TMPRSS11E: variants seen among roughly 807,000 people sequenced by gnomAD.
The protein encoded by TMPRSS11E is transmembrane protease serine 11E.
TMPRSS11E carries 38 observed loss-of-function variants against 48.1 expected under a neutral mutation model. That is an observed-to-expected ratio of 0.79 (90% CI 0.61 to 1.04). The LOEUF is 1.04. TMPRSS11E is among the 50% of genes least tolerant of loss of function. TMPRSS11E has a pLI of 0.00. For synonymous variants in TMPRSS11E, 158 were observed against 171.9 expected, an observed-to-expected ratio of 0.92 and a Z score of 0.63; for missense variants, 530 against 510.8, an observed-to-expected ratio of 1.04 and a Z score of -0.36.
At chr4:68,466,802 A>G (rs372684369) in intron 3 of TMPRSS11E, 50 bp downstream of exon 3, 2 of 1,608,268 alleles carry the variant, frequency 1.2e-6, no homozygotes, top group African/African-American at 1.3e-5. Flanking sequence ...ACTTTTTACC[A>G]TATTTTTAGC....
In TMPRSS11E at chr4:68,493,381, C is replaced by T. The variant is rs193114737; in HGVS notation, c.1111-3262C>T. Among the ~76,000 whole-genome samples, 850 of 152,278 alleles carry T rather than the reference C, an allele frequency of 5.6e-3. 12 individuals carry two copies. Among genetic ancestry groups the T allele is most frequent in the African/African-American group, 0.019 (776 of 41,566 alleles). ...GGTGATATTAGAGGTACACGCTTTA[C>T]AAACTTTGTGAGCTACAGAAGAGAA... On this transcript the variant is annotated intron_variant, in intron 9 of 9. Coordinates refer to ENST00000305363, the MANE Select transcript of TMPRSS11E (RefSeq NM_014058.4).
Position 68,466,767 on chromosome 4 carries a change from A to G in TMPRSS11E, c.258+15A>G. On this transcript the variant is annotated intron_variant, in intron 3 of 9. Coordinates refer to ENST00000305363, the MANE Select transcript of TMPRSS11E (RefSeq NM_014058.4). The stretch of plus-strand genomic sequence containing the variant: ...TTGAATCAATGGTAAGCAACTTGTC[A>G]TCTACTTCTAGTGCATTTGCTTTCA... 3.1e-6 allele frequency: 5 copies of G among 1,613,160 alleles called. No individual in the cohort carries two copies. The highest frequency in any genetic ancestry group is 1.1e-5 in the South Asian group (1 of 90,986).
intron 9 of TMPRSS11E, among the ~76,000 whole-genome samples, chr4:68,495,608 T>G (rs2603156): frequency 0.28 from 41,795 of 151,978 alleles, 6,763 homozygotes; most frequent in East Asian, 0.75. Context: ...TATTTCAAAT[T>G]TACTATTATA....
At chr4:68,460,345 CA>C (rs1245279347) in intron 1 of TMPRSS11E, among the ~76,000 whole-genome samples, 1 of 152,120 alleles carries the variant, frequency 6.6e-6, no homozygotes, top group Non-Finnish European at 1.5e-5. Context: ...TTTCTGTAAA[CA>C]AAAGGCATTT....
intron 4 of TMPRSS11E, among the ~76,000 whole-genome samples, chr4:68,470,245 A>C (rs888327696): frequency 6.6e-6 from 1 of 151,856 alleles, no homozygotes; most frequent in Non-Finnish European, 1.5e-5. Context: ...ATGACAAAGA[A>C]AGCTTGAAGA....
chr4:68,472,265 G>T (rs1360173760), intron 5 of TMPRSS11E, among the ~76,000 whole-genome samples: 1 of 151,824 alleles, frequency 6.6e-6, no homozygotes, highest in African/African-American at 2.4e-5. Flanking sequence ...AACAATGAAG[G>T]TCTATAGAAA....
At chr4:68,457,625 T>C (rs184380319) in intron 1 of TMPRSS11E, among the ~76,000 whole-genome samples, 85 of 152,226 alleles carry the variant, frequency 5.6e-4, no homozygotes, top group African/African-American at 1.9e-3. Flanking sequence ...CTGTTCACAA[T>C]AGCAAAGACT....
chr4:68,448,433 G>A (rs1008152683), intron 1 of TMPRSS11E, among the ~76,000 whole-genome samples: 2 of 151,904 alleles, frequency 1.3e-5, no homozygotes, highest in African/African-American at 4.8e-5. Flanking sequence ...GGCTTATCAA[G>A]GCTCCCTGCC....
intron 9 of TMPRSS11E, among the ~76,000 whole-genome samples, chr4:68,487,194 A>G (rs1729576703): frequency 6.6e-6 from 1 of 151,648 alleles, no homozygotes; most frequent in African/African-American, 2.4e-5. Context: ...CACAGGCTTG[A>G]TTGTATAGTT....
chr4:68,448,869 T>C (rs1375439358), intron 1 of TMPRSS11E, among the ~76,000 whole-genome samples: 1 of 151,822 alleles, frequency 6.6e-6, no homozygotes, highest in South Asian at 2.1e-4. Context: ...GTTAAGAGCA[T>C]GTACTAGAGC....
chr4:68,470,389 C>A (rs143293928), intron 4 of TMPRSS11E, among the ~76,000 whole-genome samples: 1 of 151,910 alleles, frequency 6.6e-6, no homozygotes, highest in African/African-American at 2.4e-5. Context: ...TCGGCATTGA[C>A]AAATATTCCT....
At chr4:68,450,938 A>C (rs1728481239) in intron 1 of TMPRSS11E, among the ~76,000 whole-genome samples, 1 of 151,936 alleles carries the variant, frequency 6.6e-6, no homozygotes, top group African/African-American at 2.4e-5. Context: ...TGCTAAATGA[A>C]TCTTTGTTGT....
In TMPRSS11E at chr4:68,471,457, C is replaced by A; in HGVS notation, c.327-3C>A. 1 of 1,272,244 alleles carries A rather than the reference C, an allele frequency of 7.9e-7. No individual in the cohort carries two copies. Among genetic ancestry groups the A allele is most frequent in the Non-Finnish European group, 1.0e-6 (1 of 984,202 alleles). 78.8% of individuals were successfully genotyped at this position (1,272,244 alleles called of 1,614,324 possible). The stretch of plus-strand genomic sequence containing the variant: ...TTTCATTTTCTTCTTTTTTGGCCCA[C>A]AGTCAACAGAAGCATGGAGTGTTGG... On this transcript the variant is annotated splice_polypyrimidine_tract_variant and splice_region_variant and intron_variant, in intron 4 of 9. Coordinates refer to ENST00000305363, the MANE Select transcript of TMPRSS11E (RefSeq NM_014058.4).
At chr4:68,457,849 G>A (rs1006331286) in intron 1 of TMPRSS11E, among the ~76,000 whole-genome samples, 3 of 151,878 alleles carry the variant, frequency 2.0e-5, no homozygotes, top group Admixed American at 6.6e-5. Flanking sequence ...ACCAAATACT[G>A]CATGTTTTCA....
intron 7 of TMPRSS11E, among the ~76,000 whole-genome samples, chr4:68,477,086 C>A (rs1317491392): frequency 6.6e-6 from 1 of 151,962 alleles, no homozygotes; most frequent in Non-Finnish European, 1.5e-5. Context: ...GTACAGGGTA[C>A]TTTCCATAGG....
At chr4:68,469,841 A>G (rs989615540) in intron 4 of TMPRSS11E, among the ~76,000 whole-genome samples, 83 of 152,072 alleles carry the variant, frequency 5.5e-4, no homozygotes, top group Non-Finnish European at 1.0e-3. Flanking sequence ...GAAGAATCCA[A>G]TCACATAAAT....
At chr4:68,460,837 A>C (rs1276535265) in intron 1 of TMPRSS11E, among the ~76,000 whole-genome samples, 5 of 152,108 alleles carry the variant, frequency 3.3e-5, no homozygotes, top group African/African-American at 1.2e-4. Flanking sequence ...TGAAGGCAGA[A>C]CAAATAGAAG....
chr4:68,466,668 A>G lies in TMPRSS11E; in HGVS notation c.174A>G (p.Ser58=), dbSNP rs200203409. 17 of 1,613,668 alleles carry G rather than the reference A, an allele frequency of 1.1e-5. No homozygotes were observed. Among genetic ancestry groups the G allele is most frequent in the Non-Finnish European group, 1.4e-5 (16 of 1,179,662 alleles). ...KKTYNYYSTL[S]FTTDKLYAEF... ...CCTACAATTACTATAGCACATTGTC[A>G]TTTACAACTGACAAACTATATGCTG... is the stretch of plus-strand genomic sequence containing the variant. The change falls in exon 3 of 10, where the codon TCA becomes TCG. Residue 58 remains serine, a synonymous_variant. Coordinates refer to ENST00000305363, the MANE Select transcript of TMPRSS11E (RefSeq NM_014058.4).
rs572233225 is a variant in TMPRSS11E, at chr4:68,489,075, T to G, written c.1111-7568T>G. Among the ~76,000 whole-genome samples, 3 of 152,356 alleles carry G rather than the reference T, an allele frequency of 2.0e-5. No homozygotes were observed. The East Asian group carries it at 5.8e-4, about 29-fold the overall frequency. On this transcript the variant is annotated intron_variant, in intron 9 of 9. Transcript: ENST00000305363. ...TTGCTTTTAGAGTTACCAGAGTTCT[T>G]GCATTGGTTCTTTCTCATCTGTGTG...
Sources: allele counts gnomAD v4.1 joint callset (sites outside exome capture counted in the v4.1 genomes callset), GRCh38; gene constraint gnomAD v4.1.1; transcripts MANE v1.5; gene names NCBI Gene and HGNC (gene_info 2026-07-23, HGNC 2026-07-21).